Variants in RIMS2 observed in about 807,000 individuals in gnomAD.
RIMS2 encodes regulating synaptic membrane exocytosis 2.
RIMS2 carries 59 observed loss-of-function variants against 174.4 expected under a neutral mutation model. That is an observed-to-expected ratio of 0.34 (90% CI 0.27 to 0.42). The LOEUF (loss-of-function observed/expected upper bound fraction) is 0.42, where lower values mean the gene tolerates loss of function less well. RIMS2 is among the 10% of genes least tolerant of loss of function. RIMS2 has a pLI of 1.00. For missense variants in RIMS2, 1,620 were observed against 1,666.3 expected, an observed-to-expected ratio of 0.97 and a Z score of 0.48; for synonymous variants, 606 against 572.5, an observed-to-expected ratio of 1.06 and a Z score of -0.84.
At chr8:103,588,796 T>C (rs1286762541) in intron 1 of RIMS2, among the ~76,000 whole-genome samples, 1 of 151,890 alleles carries the variant, frequency 6.6e-6, no homozygotes, top group Non-Finnish European at 1.5e-5. Context: ...GACTTCAAAC[T>C]ATGAAACTAC....
At chr8:103,890,986 G>A (rs989101082) in intron 4 of RIMS2, among the ~76,000 whole-genome samples, 6 of 151,796 alleles carry the variant, frequency 4.0e-5, no homozygotes, top group Non-Finnish European at 5.9e-5. Flanking sequence ...CCTACTAGAT[G>A]CCAGTAGCAC....
chr8:103,693,112 A>G (rs1319590605), intron 1 of RIMS2, among the ~76,000 whole-genome samples: 1 of 152,058 alleles, frequency 6.6e-6, no homozygotes, highest in African/African-American at 2.4e-5. Flanking sequence ...TGCTCCCTCT[A>G]TGAGGGGTGG....
At chr8:103,902,182 T>C (rs2073288192) in intron 4 of RIMS2, among the ~76,000 whole-genome samples, 1 of 152,134 alleles carries the variant, frequency 6.6e-6, no homozygotes. Flanking sequence ...CTAAAGGCTG[T>C]TAGTAGTTCC....
At chr8:103,606,856 A>C (rs1281045176) in intron 1 of RIMS2, among the ~76,000 whole-genome samples, 2 of 151,432 alleles carry the variant, frequency 1.3e-5, no homozygotes, top group Non-Finnish European at 2.9e-5. Flanking sequence ...TTTGCTTGGT[A>C]GATCTTCCTC....
intron 19 of RIMS2, among the ~76,000 whole-genome samples, chr8:104,217,672 C>T (rs937050625): frequency 6.6e-6 from 1 of 152,086 alleles, no homozygotes; most frequent in African/African-American, 2.4e-5. Context: ...TGAGTAAAAA[C>T]CAAAAATACT....
chr8:103,766,190 G>A (rs975757907), intron 2 of RIMS2, 37 bp from the exon 6 acceptor site: 15 of 1,437,888 alleles, frequency 1.0e-5, no homozygotes, highest in Non-Finnish European at 1.4e-5. Flanking sequence ...TAACTTTTGG[G>A]AACACTAATT....
At chr8:103,634,732 A>G (rs544510052) in intron 1 of RIMS2, among the ~76,000 whole-genome samples, 1 of 152,296 alleles carries the variant, frequency 6.6e-6, no homozygotes, top group South Asian at 2.1e-4. Flanking sequence ...TACAATAGTT[A>G]GGTCTTCTTG....
At chr8:103,627,192 A>G (rs2095806651) in intron 1 of RIMS2, among the ~76,000 whole-genome samples, 1 of 152,194 alleles carries the variant, frequency 6.6e-6, no homozygotes, top group Admixed American at 6.5e-5. Context: ...TTGCTGGGAA[A>G]AGAATTCAGC....
intron 3 of RIMS2, among the ~76,000 whole-genome samples, chr8:103,837,926 TTTTC>T (rs1243944623): frequency 6.7e-6 from 1 of 148,878 alleles, no homozygotes; most frequent in Non-Finnish European, 1.5e-5. Flanking sequence ...CGCATTTTCT[TTTTC>T]TTTCTTTCTC....
At chr8:103,652,782 A>G (rs1051411910) in intron 1 of RIMS2, 72 bp downstream of exon 3, 4 of 935,900 alleles carry the variant, frequency 4.3e-6, no homozygotes, top group Middle Eastern at 2.5e-4. Context: ...ATGTGTTAAA[A>G]TACTGTCCTT....
chr8:104,013,365 A>C, intron 17 of RIMS2, 77 bp from the exon 20 acceptor site: 1 of 1,153,738 alleles, frequency 8.7e-7, no homozygotes, highest in Non-Finnish European at 1.2e-6. Context: ...CTTTTTCAAA[A>C]TCAGTTTGAT....
chr8:103,761,553 A>G (rs1417968500), intron 2 of RIMS2, among the ~76,000 whole-genome samples: 1 of 152,224 alleles, frequency 6.6e-6, no homozygotes, highest in African/African-American at 2.4e-5. Flanking sequence ...AAGATAGCAC[A>G]TGAGAATTTT....
chr8:104,023,401 A>G (rs2096161669), intron 19 of RIMS2, among the ~76,000 whole-genome samples: 1 of 152,088 alleles, frequency 6.6e-6, no homozygotes, highest in African/African-American at 2.4e-5. Context: ...CAGGAAAGAG[A>G]TGATAGTGGC....
At chr8:103,846,493 C>T (rs2098968537) in intron 3 of RIMS2, among the ~76,000 whole-genome samples, 1 of 152,072 alleles carries the variant, frequency 6.6e-6, no homozygotes, top group East Asian at 1.9e-4. Context: ...CAGAGCTATC[C>T]TTGGACTGAG....
chr8:103,516,031 T>C (rs1247848456), intron 1 of RIMS2, among the ~76,000 whole-genome samples: 2 of 152,114 alleles, frequency 1.3e-5, no homozygotes, highest in Non-Finnish European at 2.9e-5. Context: ...AAGTGACACA[T>C]GTTCTTTGTC....
At chr8:103,780,837 T>C (rs1315466849) in intron 3 of RIMS2, among the ~76,000 whole-genome samples, 1 of 152,222 alleles carries the variant, frequency 6.6e-6, no homozygotes, top group Non-Finnish European at 1.5e-5. Context: ...GGTTATTTAT[T>C]CCAATCTTCC....
intron 2 of RIMS2, among the ~76,000 whole-genome samples, chr8:103,702,768 C>T (rs187223773): frequency 8.7e-5 from 13 of 149,140 alleles, no homozygotes; most frequent in African/African-American, 3.2e-4. Flanking sequence ...GGGTCTATGT[C>T]TGTTTTTATG....
At chr8:103,553,560 ATGT>A (rs1297952921) in intron 1 of RIMS2, among the ~76,000 whole-genome samples, 1 of 152,184 alleles carries the variant, frequency 6.6e-6, no homozygotes, top group Admixed American at 6.5e-5. Flanking sequence ...ACAAAGCTGC[ATGT>A]TGTGCTCATG....
At chr8:103,935,115 A>G (rs1293549825) in intron 12 of RIMS2, among the ~76,000 whole-genome samples, 1 of 152,228 alleles carries the variant, frequency 6.6e-6, no homozygotes, top group Non-Finnish European at 1.5e-5. Context: ...TCAATGATAT[A>G]TGAGTAGATG....
Sources: allele counts gnomAD v4.1 joint callset (sites outside exome capture counted in the v4.1 genomes callset), GRCh38; gene constraint gnomAD v4.1.1; transcripts MANE v1.5; gene names NCBI Gene and HGNC (gene_info 2026-07-23, HGNC 2026-07-21).